The following ZSCAN5A variants were observed in gnomAD, a reference collection of about 807,000 sequenced individuals.
ZSCAN5A encodes the protein zinc finger and SCAN domain containing 5A.
In ZSCAN5A, 12 loss-of-function variants were observed where a neutral mutation model predicts 23.7. The ratio of observed to expected loss-of-function variants is 0.51; its 90% confidence interval spans 0.32 to 0.82. The LOEUF (loss-of-function observed/expected upper bound fraction) is 0.82, where lower values mean the gene tolerates loss of function less well. ZSCAN5A is among the 40% of genes least tolerant of loss of function. The pLI is 0.03. For missense variants in ZSCAN5A, 597 were observed against 617.9 expected, an observed-to-expected ratio of 0.97 and a Z score of 0.36; for synonymous variants, 257 against 239.9, an observed-to-expected ratio of 1.07 and a Z score of -0.66.
Position 56,284,638 on chromosome 19 carries a change from C to A in ZSCAN5A, c.-128+28645G>T, listed in dbSNP as rs1445223385. 2.0e-5 allele frequency among the ~76,000 whole-genome samples: 3 copies of A among 151,730 alleles called. No homozygotes were observed. The East Asian group carries it at 5.8e-4, about 29-fold the overall frequency. ...CATGCCATTCTCCAACCTCAGCCTC[C>A]TGAGTAGCTGGGATTACAGGCACCC... On this transcript the variant is annotated intron_variant, in intron 2 of 5. Transcript: ENST00000683990.
intron 2 of ZSCAN5A, among the ~76,000 whole-genome samples, chr19:56,337,259 T>C (rs2041547834): frequency 1.3e-5 from 2 of 152,204 alleles, no homozygotes; most frequent in Non-Finnish European, 2.9e-5. Context: ...CCACTTTATT[T>C]ACCTACTCAA....
intron 2 of ZSCAN5A, among the ~76,000 whole-genome samples, chr19:56,299,444 TAA>T (rs57347831): frequency 7.0e-6 from 1 of 143,350 alleles, no homozygotes; most frequent in Non-Finnish European, 1.5e-5. Flanking sequence ...TGTTCATGAT[TAA>T]AAAAAAAAAA....
chr19:56,236,883 C>T (rs902992998), intron 2 of ZSCAN5A, among the ~76,000 whole-genome samples: 22 of 149,466 alleles, frequency 1.5e-4, no homozygotes, highest in Admixed American at 9.3e-4. Context: ...CTCTGATGGA[C>T]GGTGGGCCAA....
intron 2 of ZSCAN5A, among the ~76,000 whole-genome samples, chr19:56,270,897 G>T (rs953801467): frequency 1.3e-5 from 2 of 152,176 alleles, no homozygotes; most frequent in Admixed American, 6.5e-5. Flanking sequence ...TGCCAATGGT[G>T]AGAAATCCTG....
intron 2 of ZSCAN5A, among the ~76,000 whole-genome samples, chr19:56,302,609 CT>C (rs1157702240): frequency 1.1e-5 from 1 of 95,216 alleles, no homozygotes; most frequent in Non-Finnish European, 2.2e-5. Flanking sequence ...TCTTCTTCCT[CT>C]CCCTCTTCCT....
intron 2 of ZSCAN5A, among the ~76,000 whole-genome samples, chr19:56,291,670 T>G (rs2039518277): frequency 6.6e-6 from 1 of 152,208 alleles, no homozygotes; most frequent in Admixed American, 6.5e-5. Context: ...CCTTCTGTTT[T>G]GCTCCTGTTC....
chr19:56,344,936 G>GA (rs1279523315), intron 2 of ZSCAN5A, among the ~76,000 whole-genome samples: 6 of 91,420 alleles, frequency 6.6e-5, no homozygotes, highest in Non-Finnish European at 1.3e-4. Flanking sequence ...AAAAAAAAAA[G>GA]AAAAAAAAGA....
chr19:56,298,042 C>A (rs1411690482), intron 2 of ZSCAN5A: 10 of 149,726 alleles, frequency 6.7e-5, no homozygotes, highest in African/African-American at 2.5e-4. Flanking sequence ...GCCACCGCAT[C>A]CGGCCTGGGT....
intron 2 of ZSCAN5A, among the ~76,000 whole-genome samples, chr19:56,240,619 T>C (rs1441362648): frequency 6.9e-6 from 1 of 145,616 alleles, no homozygotes; most frequent in Non-Finnish European, 1.5e-5. Context: ...GGGTTTATTT[T>C]CTCATGCATT....
At chr19:56,363,884 A>G (rs779546819) in intron 1 of ZSCAN5A, among the ~76,000 whole-genome samples, 2 of 152,256 alleles carry the variant, frequency 1.3e-5, no homozygotes, top group Non-Finnish European at 2.9e-5. Flanking sequence ...GAGGAAGCAG[A>G]CCATAGTAGT....
At chr19:56,237,279 G>A (rs938804045) in intron 2 of ZSCAN5A, among the ~76,000 whole-genome samples, 1 of 152,156 alleles carries the variant, frequency 6.6e-6, no homozygotes, top group South Asian at 2.1e-4. Context: ...ACAGCTCCAC[G>A]TACAATTTTT....
chr19:56,342,891 T>C, intron 2 of ZSCAN5A: 2 of 1,008,630 alleles, frequency 2.0e-6, no homozygotes, highest in Non-Finnish European at 3.2e-6. Context: ...CTTCAGGTAG[T>C]CTCCCCATCC....
rs140459427 is a variant in ZSCAN5A, at chr19:56,289,779, A to G, written c.-128+23504T>C. 1.1e-3 allele frequency among the ~76,000 whole-genome samples: 169 copies of G among 152,148 alleles called. 3 individuals carry two copies. The South Asian group carries it at 0.021, about 19-fold the overall frequency. ...CAGGTGCACACCACCATACCCAGCT[A>G]ATATTTTACATTTTTGTAGAGACAG... On this transcript the variant is annotated intron_variant, in intron 2 of 5. Transcript: ENST00000683990.
intron 2 of ZSCAN5A, chr19:56,243,963 C>T (rs1393517651): frequency 1.0e-5 from 6 of 600,466 alleles, no homozygotes; most frequent in South Asian, 2.2e-5. Flanking sequence ...CCAAAGGAGG[C>T]CTGTCTAGAT....
chr19:56,320,975 G>GT, intron 2 of ZSCAN5A: 1 of 727,792 alleles, frequency 1.4e-6, no homozygotes, highest in Non-Finnish European at 2.6e-6. Flanking sequence ...AGCATTTAGG[G>GT]TATCTTCGCC....
At chr19:56,326,527 C>T (rs980326572) in intron 2 of ZSCAN5A, among the ~76,000 whole-genome samples, 7 of 152,012 alleles carry the variant, frequency 4.6e-5, no homozygotes, top group South Asian at 4.2e-4. Context: ...TCTGTTACTA[C>T]TCTCTGAGTT....
intron 2 of ZSCAN5A, among the ~76,000 whole-genome samples, chr19:56,238,897 G>T (rs1464094165): frequency 1.3e-5 from 2 of 152,048 alleles, no homozygotes; most frequent in Non-Finnish European, 2.9e-5. Context: ...AGGGAATTGG[G>T]TAGGTAGATG....
At chr19:56,281,996 C>T (rs2147071004) in intron 2 of ZSCAN5A, among the ~76,000 whole-genome samples, 1 of 152,272 alleles carries the variant, frequency 6.6e-6, no homozygotes, top group South Asian at 2.1e-4. Flanking sequence ...TAGCTTTGAT[C>T]AGATTTTCAG....
intron 2 of ZSCAN5A, chr19:56,342,472 C>A: frequency 2.5e-6 from 1 of 401,312 alleles, no homozygotes; most frequent in Non-Finnish European, 5.1e-6. Flanking sequence ...TTTTCATAGG[C>A]AAATTCTGTG....
Sources: gnomAD v4.1 joint callset for allele counts (sites outside exome capture counted in the v4.1 genomes callset) on GRCh38, gnomAD v4.1.1 for gene constraint, MANE v1.5 for transcripts, NCBI Gene and HGNC (gene_info 2026-07-23, HGNC 2026-07-21) for gene names.